Variants in BLK observed in about 807,000 individuals in gnomAD.
The protein encoded by BLK is BLK proto-oncogene, Src family tyrosine kinase.
A neutral mutation model predicts 61.8 loss-of-function variants in BLK; 64 were observed. That is an observed-to-expected ratio of 1.03 (90% confidence interval 0.85 to 1.27). BLK has a LOEUF of 1.27. Ranked by LOEUF, BLK falls within the 50% of genes most tolerant of loss-of-function variation. The pLI, the probability that BLK is intolerant of heterozygous loss-of-function variation, is 0.00. For synonymous variants in BLK, 351 were observed against 272.0 expected, an observed-to-expected ratio of 1.29 and a Z score of -2.86; for missense variants, 853 against 660.5, an observed-to-expected ratio of 1.29 and a Z score of -3.19.
At chr8:11,560,214 G>A (rs62490884) in intron 10 of BLK, 1 of 120,732 alleles carries the variant, frequency 8.3e-6, no homozygotes, top group African/African-American at 3.2e-5. Flanking sequence ...TGGATGGATG[G>A]ATGCATGCAT....
intron 1 of BLK, among the ~76,000 whole-genome samples, chr8:11,523,516 A>G (rs1461628146): frequency 2.0e-5 from 3 of 152,174 alleles, no homozygotes; most frequent in African/African-American, 7.2e-5. Flanking sequence ...TGGCGCCACT[A>G]TACACCAGCC....
chr8:11,561,081 G>A, intron 10 of BLK: 1 of 702,782 alleles, frequency 1.4e-6, no homozygotes. Flanking sequence ...AGGGGCACAG[G>A]TAGCCCCTGT....
intron 6 of BLK, chr8:11,554,226 T>C (rs1343861003): frequency 5.7e-6 from 1 of 174,142 alleles, no homozygotes; most frequent in African/African-American, 2.4e-5. Context: ...ATAACAGGTG[T>C]ATGTAACAGG....
At chr8:11,560,316 T>C (rs2040723887) in intron 10 of BLK, 1 of 213,222 alleles carries the variant, frequency 4.7e-6, no homozygotes, top group Non-Finnish European at 9.3e-6. Flanking sequence ...GAAGGATGCA[T>C]AGATGGATGG....
chr8:11,513,538 C>G lies in BLK; in HGVS notation c.-2+18947C>G, dbSNP rs80338576. Among the ~76,000 whole-genome samples the G allele has an allele frequency of 5.6e-3, 855 of 152,298 alleles. 15 individuals carry two copies. The highest frequency in any genetic ancestry group is 0.02 in the African/African-American group (819 of 41,552). ...CTCAGCATCCCCTAAATCTGCGATG[C>G]AATCATAGCCCCTGAATGTTAGGGC... On this transcript the variant is annotated intron_variant, in intron 1 of 12. Transcript: ENST00000259089.
chr8:11,547,426 C>T (rs1217362451), intron 3 of BLK, among the ~76,000 whole-genome samples: 1 of 152,188 alleles, frequency 6.6e-6, no homozygotes, highest in African/African-American at 2.4e-5. Context: ...CAGCAGGGCT[C>T]ACTTGAAGAT....
chr8:11,557,693 A>T (rs1223938889), intron 9 of BLK, among the ~76,000 whole-genome samples: 1 of 152,144 alleles, frequency 6.6e-6, no homozygotes, highest in Non-Finnish European at 1.5e-5. Flanking sequence ...CGGCTGGGTG[A>T]CTTCAGACAG....
intron 1 of BLK, among the ~76,000 whole-genome samples, chr8:11,498,123 CT>C (rs879920358): frequency 3.9e-5 from 6 of 152,302 alleles, no homozygotes; most frequent in Admixed American, 1.3e-4. Context: ...AGCTGCTGGC[CT>C]TTTTGCACAC....
intron 11 of BLK, 27 bp from the exon 12 acceptor site, chr8:11,562,952 C>T: frequency 6.2e-7 from 1 of 1,613,732 alleles, no homozygotes; most frequent in Non-Finnish European, 8.5e-7. Flanking sequence ...CCGTGGCCTC[C>T]CAAAGCTTGC....
At chr8:11,534,587 C>T (rs933662744) in intron 1 of BLK, among the ~76,000 whole-genome samples, 1 of 152,210 alleles carries the variant, frequency 6.6e-6, no homozygotes, top group African/African-American at 2.4e-5. Flanking sequence ...GCTCAGCACC[C>T]TCAAACTTTT....
rs141714152 is a variant in BLK, at chr8:11,561,568, G to A, written c.1180+116G>A. 209 of 1,324,392 alleles carry A rather than the reference G, an allele frequency of 1.6e-4. 1 individual carries two copies. The African/African-American group carries it at 2.1e-3, about 13-fold the overall frequency. The allele number at this position is 1,324,392 out of a possible 1,614,324, so 82.0% of individuals were successfully genotyped here. A position where few individuals can be genotyped will look rare whatever the true frequency, so the allele number is the denominator to read the frequency against. ...GAGGGAAGACACCTGAGGGCTATAC[G>A]GTTTCTACAGCTCTAGATCAGCATT... On this transcript the variant is annotated intron_variant, in intron 11 of 12. Coordinates refer to ENST00000259089, the MANE Select transcript of BLK (RefSeq NM_001715.3).
chr8:11,506,010 GA>G, intron 1 of BLK, among the ~76,000 whole-genome samples: 1 of 152,344 alleles, frequency 6.6e-6, no homozygotes, highest in African/African-American at 2.4e-5. Context: ...CGCCAGGCAT[GA>G]CAAATCTCTT....
At chr8:11,510,478 G>A (rs1054557719) in intron 1 of BLK, among the ~76,000 whole-genome samples, 4 of 152,230 alleles carry the variant, frequency 2.6e-5, no homozygotes, top group African/African-American at 7.2e-5. Flanking sequence ...GGCTTTGTCG[G>A]GGGAGAGGTC....
intron 1 of BLK, among the ~76,000 whole-genome samples, chr8:11,532,958 G>T (rs1799950720): frequency 1.3e-5 from 2 of 152,184 alleles, no homozygotes; most frequent in South Asian, 4.1e-4. Context: ...AAGCCTCAAG[G>T]AGCCTGAGTT....
intron 1 of BLK, among the ~76,000 whole-genome samples, chr8:11,537,775 C>T (rs1283615474): frequency 1.3e-5 from 2 of 152,210 alleles, no homozygotes; most frequent in African/African-American, 4.8e-5. Flanking sequence ...TGCTTTTCAA[C>T]CATGTCATGC....
chr8:11,503,747 GGTCACTCT>G (rs773568616), intron 1 of BLK, among the ~76,000 whole-genome samples: 3 of 152,168 alleles, frequency 2.0e-5, no homozygotes, highest in Non-Finnish European at 2.9e-5. Flanking sequence ...GGATGGAAGA[GGTCACTCT>G]GTCCTCTTTC....
intron 1 of BLK, among the ~76,000 whole-genome samples, chr8:11,524,308 T>C (rs753455871): frequency 6.6e-6 from 1 of 152,218 alleles, no homozygotes; most frequent in Non-Finnish European, 1.5e-5. Flanking sequence ...ATGCATACAC[T>C]GAACATTCAC....
chr8:11,498,911 G>C (rs1028339670), intron 1 of BLK, among the ~76,000 whole-genome samples: 3 of 152,124 alleles, frequency 2.0e-5, no homozygotes, highest in African/African-American at 7.2e-5. Flanking sequence ...AACCACCAGG[G>C]GGTCCTTGTA....
chr8:11,541,444 T>C (rs2467520), intron 1 of BLK, among the ~76,000 whole-genome samples: 62,391 of 151,738 alleles, frequency 0.41, 13,851 homozygotes, highest in Non-Finnish European at 0.5. Flanking sequence ...CGATATTGTA[T>C]AGGCACCTGC....
Sources: gnomAD v4.1 joint callset for allele counts (sites outside exome capture counted in the v4.1 genomes callset) on GRCh38, gnomAD v4.1.1 for gene constraint, MANE v1.5 for transcripts, NCBI Gene and HGNC (gene_info 2026-07-23, HGNC 2026-07-21) for gene names.